Variants in GIT2 observed in about 807,000 individuals in gnomAD.
The protein encoded by GIT2 is ARF GTPase-activating protein GIT2.
A neutral mutation model predicts 100.3 loss-of-function variants in GIT2; 32 were observed. The observed-to-expected ratio is 0.32, with a 90% CI of 0.24 to 0.43. The LOEUF is 0.43. Ranked by LOEUF, GIT2 falls within the 20% of genes least tolerant of loss-of-function variation. GIT2 has a pLI of 1.00. For synonymous variants in GIT2, 353 were observed against 364.1 expected (o/e 0.97, Z 0.35); for missense variants, 737 against 975.1 (o/e 0.76, Z 3.25).
At chr12:109,967,943 G>T (rs905652326) in intron 7 of GIT2, among the ~76,000 whole-genome samples, 1 of 152,152 alleles carries the variant, frequency 6.6e-6, no homozygotes, top group African/African-American at 2.4e-5. Context: ...TCCAGACAGG[G>T]ACTCCATCTG....
chr12:109,938,316 G>T, intron 18 of GIT2, 64 bp downstream of exon 18: 2 of 1,156,056 alleles, frequency 1.7e-6, no homozygotes, highest in Non-Finnish European at 1.3e-6. Context: ...AGGAACATGG[G>T]CATCATCCCT....
At chr12:109,953,451 C>A (rs1223104768) in intron 12 of GIT2, 3 of 491,464 alleles carry the variant, frequency 6.1e-6, no homozygotes, top group African/African-American at 2.0e-5. Flanking sequence ...AGACTCCATC[C>A]CTACACAATA....
intron 7 of GIT2, among the ~76,000 whole-genome samples, chr12:109,977,756 A>C (rs1245679002): frequency 6.6e-6 from 1 of 151,940 alleles, no homozygotes; most frequent in Non-Finnish European, 1.5e-5. Context: ...TGGGAGGCGG[A>C]GGTTTCAGTG....
rs1389088738 is a variant in GIT2, at chr12:109,938,297, G to T, written c.2003+83C>A. ...CCTTGAAGTCAGCATGCTGGGAATA[G>T]CTGCCATTAGGAACATGGGCATCAT... On this transcript the variant is annotated intron_variant, in intron 18 of 19. Coordinates refer to ENST00000355312, the MANE Select transcript of GIT2 (RefSeq NM_057169.5). 2.8e-5 allele frequency: 26 copies of T among 919,342 alleles called. 1 individual carries two copies. In the South Asian group the frequency reaches 4.3e-4, roughly 15 times the overall value. 56.9% of individuals were successfully genotyped at this position (919,342 alleles called of 1,614,324 possible). A position where few individuals can be genotyped will look rare whatever the true frequency, so the allele number is the denominator to read the frequency against.
chr12:109,958,469 C>G (rs562289540), intron 12 of GIT2, among the ~76,000 whole-genome samples: 2 of 152,186 alleles, frequency 1.3e-5, no homozygotes, highest in South Asian at 4.2e-4. Flanking sequence ...TCTCAAACTC[C>G]TGACCTCAAA....
Position 109,955,275 on chromosome 12 carries a change from C to T in GIT2, c.1100-2041G>A, listed in dbSNP as rs145917089. On this transcript the variant is annotated intron_variant, in intron 12 of 19. Coordinates refer to ENST00000355312, the MANE Select transcript of GIT2 (RefSeq NM_057169.5). The stretch of plus-strand genomic sequence containing the variant: ...AGTAGCTAAGACTACAAGCGCCCGC[C>T]ACCACACCCAGCTAATTTTTTTGTA... Among the ~76,000 whole-genome samples the T allele has an allele frequency of 6.6e-4, 101 of 152,250 alleles. 1 individual carries two copies. In the East Asian group the frequency reaches 0.016, roughly 24 times the overall value.
intron 12 of GIT2, among the ~76,000 whole-genome samples, chr12:109,954,855 T>C (rs1480743630): frequency 6.7e-6 from 1 of 148,962 alleles, no homozygotes; most frequent in African/African-American, 2.5e-5. Flanking sequence ...GCCAAGACTA[T>C]GCCACTGCAC....
chr12:109,938,897 T>C (rs1873802573), intron 17 of GIT2: 1 of 489,944 alleles, frequency 2.0e-6, no homozygotes, highest in South Asian at 2.9e-5. Flanking sequence ...TAATGTTGTC[T>C]TCATGATGAA....
At chr12:109,989,562 C>T in intron 3 of GIT2, 128 bp downstream of exon 3, 1 of 617,536 alleles carries the variant, frequency 1.6e-6, no homozygotes, top group Non-Finnish European at 2.9e-6. Flanking sequence ...AGCAAAGAAC[C>T]TGATGCACAA....
At chr12:109,960,314 T>C (rs746021469) in intron 11 of GIT2, among the ~76,000 whole-genome samples, 3 of 152,174 alleles carry the variant, frequency 2.0e-5, no homozygotes, top group Non-Finnish European at 4.4e-5. Context: ...AAATTAATTT[T>C]GAGGGGAATT....
At chr12:109,980,207 C>T (rs1886030050) in intron 7 of GIT2, among the ~76,000 whole-genome samples, 1 of 151,970 alleles carries the variant, frequency 6.6e-6, no homozygotes, top group Non-Finnish European at 1.5e-5. Flanking sequence ...GGACTACAGG[C>T]GCACACCACC....
intron 1 of GIT2, among the ~76,000 whole-genome samples, chr12:109,993,267 T>C (rs751392102): frequency 6.6e-6 from 1 of 152,022 alleles, no homozygotes; most frequent in African/African-American, 2.4e-5. Context: ...CACAATGGGG[T>C]GACAATAGGT....
intron 13 of GIT2, among the ~76,000 whole-genome samples, chr12:109,951,931 T>C (rs995923408): frequency 1.3e-5 from 2 of 152,088 alleles, no homozygotes; most frequent in Non-Finnish European, 2.9e-5. Context: ...GGAAGAACAT[T>C]CCAGCCTGCA....
At position 109,953,276 on chromosome 12, in the gene GIT2, T is replaced by C. The variant is rs202192001; in HGVS notation, c.1100-42A>G. The C allele has an allele frequency of 1.4e-5, 23 of 1,599,292 alleles. No individual in the cohort carries two copies. In the East Asian group the frequency reaches 1.6e-4, roughly 11 times the overall value. On this transcript the variant is annotated intron_variant, in intron 12 of 19. Coordinates refer to ENST00000355312, the MANE Select transcript of GIT2 (RefSeq NM_057169.5). ...ACAACTTTACTTCAGGCTTAAAACA[T>C]TGCTTTTCTTCCAAAAAACTACGGA... is the stretch of plus-strand genomic sequence containing the variant.
At position 109,932,846 on chromosome 12, in the gene GIT2, G is replaced by A; in HGVS notation, c.*132C>T. ...TTAGAAAACATGCAAAAATAATACT[G>A]AGTTTTCTTTTAAAAAGTTTTAAAC... On this transcript the variant is annotated 3_prime_UTR_variant, in exon 20 of 20. Transcript: ENST00000355312. The A allele has an allele frequency of 1.6e-6, 1 of 630,138 alleles. No individual in the cohort carries two copies. Among genetic ancestry groups the A allele is most frequent in the Non-Finnish European group, 2.8e-6 (1 of 353,642 alleles). The allele number at this position is 630,138 out of a possible 1,614,324, so 39.0% of individuals were successfully genotyped here.
At chr12:109,966,315 C>A (rs1267617167) in intron 8 of GIT2, among the ~76,000 whole-genome samples, 6 of 151,022 alleles carry the variant, frequency 4.0e-5, no homozygotes, top group Non-Finnish European at 8.9e-5. Flanking sequence ...TGAGACCAGC[C>A]TGGCCAACAT....
intron 7 of GIT2, among the ~76,000 whole-genome samples, chr12:109,972,016 T>C (rs1485791391): frequency 6.6e-6 from 1 of 151,176 alleles, no homozygotes; most frequent in Non-Finnish European, 1.5e-5. Flanking sequence ...AAAAAATATA[T>C]ATATATATAT....
chr12:109,973,447 G>A (rs2136610578), intron 7 of GIT2, among the ~76,000 whole-genome samples: 1 of 151,926 alleles, frequency 6.6e-6, no homozygotes, highest in East Asian at 1.9e-4. Context: ...GGTCTGCTTT[G>A]TATTTTTTTT....
intron 16 of GIT2, 65 bp from the exon 17 acceptor site, chr12:109,939,312 A>G (rs1049356105): frequency 1.1e-6 from 1 of 916,834 alleles, no homozygotes; most frequent in Non-Finnish European, 1.8e-6. Flanking sequence ...AGTCTTCCCC[A>G]GGAATTGTTA....
Sources: gnomAD v4.1 joint callset for allele counts (sites outside exome capture counted in the v4.1 genomes callset) on GRCh38, gnomAD v4.1.1 for gene constraint, MANE v1.5 for transcripts, NCBI Gene and HGNC (gene_info 2026-07-23, HGNC 2026-07-21) for gene names.